The following KCNH8 variants were observed in gnomAD, a reference collection of about 807,000 sequenced individuals.
KCNH8 encodes potassium voltage-gated channel subfamily H member 8.
Under a neutral mutation model 103.6 loss-of-function variants are expected in KCNH8, and 70 were observed. That is an observed-to-expected ratio of 0.68 (90% CI 0.56 to 0.82). The LOEUF (loss-of-function observed/expected upper bound fraction) is 0.82. Among genes scored for constraint, KCNH8 ranks in the 40% least tolerant of loss-of-function variants. The pLI, the probability that KCNH8 is intolerant of heterozygous loss-of-function variation, is 0.00. For missense variants in KCNH8, 1,217 were observed against 1,329.9 expected, an observed-to-expected ratio of 0.92 and a Z score of 1.32; for synonymous variants, 498 against 489.4, an observed-to-expected ratio of 1.02 and a Z score of -0.23.
Position 19,386,879 on chromosome 3 carries a change from C to T in KCNH8, c.812-3602C>T, listed in dbSNP as rs150127195. Reference sequence around the variant, plus strand: ...GAGGAGCAGCTACATTCAGTGTTTGCGAAGTTCCACTCTGTTTCTGTGATT... The same window carrying T: ...GAGGAGCAGCTACATTCAGTGTTTGTGAAGTTCCACTCTGTTTCTGTGATT... On this transcript the variant is annotated intron_variant, in intron 5 of 15. Coordinates refer to ENST00000328405, the MANE Select transcript of KCNH8 (RefSeq NM_144633.3). Among the ~76,000 whole-genome samples the T allele has an allele frequency of 5.6e-4, 85 of 152,178 alleles. No individual in the cohort carries two copies. In the Middle Eastern group the frequency reaches 0.01, roughly 18 times the overall value.
At chr3:19,479,650 A>G (rs2068047508) in intron 11 of KCNH8, among the ~76,000 whole-genome samples, 1 of 152,188 alleles carries the variant, frequency 6.6e-6, no homozygotes, top group Non-Finnish European at 1.5e-5. Flanking sequence ...AGATGAGTCT[A>G]CAAGAGGAAG....
At chr3:19,198,854 A>T (rs2063628541) in intron 1 of KCNH8, among the ~76,000 whole-genome samples, 1 of 152,050 alleles carries the variant, frequency 6.6e-6, no homozygotes, top group Admixed American at 6.6e-5. Flanking sequence ...TCTCACTAAG[A>T]ACAGGATTTG....
chr3:19,472,267 G>C lies in KCNH8; in HGVS notation c.2040+15285G>C, dbSNP rs2067877314. ...GTGTGTTAATGTCCACAGAATAACA[G>C]AATGTTAGAACACAAAGGCACTTTA... On this transcript the variant is annotated intron_variant, in intron 11 of 15. Coordinates refer to ENST00000328405, the MANE Select transcript of KCNH8 (RefSeq NM_144633.3). Among the ~76,000 whole-genome samples the C allele has an allele frequency of 2.7e-5, 4 of 149,824 alleles. No homozygotes were observed. In the South Asian group the frequency reaches 8.5e-4, roughly 32 times the overall value.
intron 1 of KCNH8, among the ~76,000 whole-genome samples, chr3:19,163,584 A>G (rs1364288738): frequency 6.6e-6 from 1 of 152,114 alleles, no homozygotes; most frequent in Non-Finnish European, 1.5e-5. Context: ...TAATTTTTAT[A>G]TTATCTTCTG....
At chr3:19,429,366 G>A (rs1427757221) in intron 7 of KCNH8, among the ~76,000 whole-genome samples, 1 of 151,648 alleles carries the variant, frequency 6.6e-6, no homozygotes, top group Non-Finnish European at 1.5e-5. Context: ...AGTAGAGACA[G>A]GGTTTCACCA....
At chr3:19,458,600 G>A (rs1381480583) in intron 11 of KCNH8, among the ~76,000 whole-genome samples, 1 of 151,924 alleles carries the variant, frequency 6.6e-6, no homozygotes, top group Admixed American at 6.6e-5. Flanking sequence ...TATTTGTGGT[G>A]AGAACACTTA....
intron 1 of KCNH8, among the ~76,000 whole-genome samples, chr3:19,198,807 C>T (rs930439711): frequency 6.6e-6 from 1 of 151,938 alleles, no homozygotes; most frequent in African/African-American, 2.4e-5. Context: ...TGTTGAATTC[C>T]ATTAAGTATG....
intron 1 of KCNH8, among the ~76,000 whole-genome samples, chr3:19,190,836 C>T (rs1203656730): frequency 6.6e-6 from 1 of 151,902 alleles, no homozygotes; most frequent in Non-Finnish European, 1.5e-5. Context: ...ATCCCTCAAA[C>T]ACGAATCTCA....
Position 19,429,562 on chromosome 3 carries a change from C to G in KCNH8, c.1178-8602C>G, listed in dbSNP as rs2067088437. Reference sequence around the variant, plus strand: ...ATTTCCTAGAAACATGAAGAAAACTCCTTTAGAACAGTTTCTTTTTTTTAA... The same window carrying G: ...ATTTCCTAGAAACATGAAGAAAACTGCTTTAGAACAGTTTCTTTTTTTTAA... On this transcript the variant is annotated intron_variant, in intron 7 of 15. Coordinates refer to ENST00000328405, the MANE Select transcript of KCNH8 (RefSeq NM_144633.3). 2.0e-5 allele frequency among the ~76,000 whole-genome samples: 3 copies of G among 152,132 alleles called. No individual in the cohort carries two copies. The South Asian group carries it at 6.2e-4, about 31-fold the overall frequency.
intron 3 of KCNH8, among the ~76,000 whole-genome samples, chr3:19,289,172 A>G (rs1301481273): frequency 3.3e-5 from 5 of 151,906 alleles, no homozygotes; most frequent in African/African-American, 1.2e-4. Flanking sequence ...CCCATTCTGT[A>G]GGTTGCCTGT....
chr3:19,296,477 G>A (rs2064998176), intron 3 of KCNH8, among the ~76,000 whole-genome samples: 1 of 152,192 alleles, frequency 6.6e-6, no homozygotes, highest in Non-Finnish European at 1.5e-5. Context: ...ACTGGTTTGT[G>A]CTCTAGTTTT....
At chr3:19,337,026 G>C (rs948552187) in intron 3 of KCNH8, among the ~76,000 whole-genome samples, 1 of 151,894 alleles carries the variant, frequency 6.6e-6, no homozygotes, top group African/African-American at 2.4e-5. Flanking sequence ...GATCCATTTT[G>C]ACCCAACATG....
At position 19,518,038 on chromosome 3, in the gene KCNH8, G is replaced by T. The variant is rs771461404; in HGVS notation, c.2583G>T (p.Glu861Asp). The T allele has an allele frequency of 6.2e-7, 1 of 1,612,286 alleles. No homozygotes were observed. The highest frequency in any genetic ancestry group is 8.5e-7 in the Non-Finnish European group (1 of 1,178,834). Reference protein sequence around the residue: ...IGAAVLFIKAEETKQQINKLN... With the variant: ...IGAAVLFIKADETKQQINKLN... ...CTGCTGTTCTCTTCATCAAAGCAGA[G>T]GAGACCAAGCAGCAGATAAACAAAC... Residue 861 changes from glutamate to aspartate, a missense_variant, in exon 15 of 16, where the codon GAG becomes GAT. Glu to Asp is a conservative substitution (Grantham distance 45). Coordinates refer to ENST00000328405, the MANE Select transcript of KCNH8 (RefSeq NM_144633.3).
At chr3:19,163,640 G>A (rs943683906) in intron 1 of KCNH8, among the ~76,000 whole-genome samples, 11 of 152,010 alleles carry the variant, frequency 7.2e-5, no homozygotes, top group African/African-American at 2.7e-4. Flanking sequence ...AATTTTAATT[G>A]TTAATACACA....
chr3:19,210,479 A>G (rs1259015474), intron 1 of KCNH8, among the ~76,000 whole-genome samples: 1 of 152,094 alleles, frequency 6.6e-6, no homozygotes, highest in East Asian at 1.9e-4. Context: ...TGGTGCTTCA[A>G]TCTCATTTGA....
chr3:19,160,575 A>G (rs2063224225), intron 1 of KCNH8, among the ~76,000 whole-genome samples: 1 of 152,160 alleles, frequency 6.6e-6, no homozygotes. Context: ...ATGAAATTAT[A>G]TACAGTACCC....
intron 1 of KCNH8, among the ~76,000 whole-genome samples, chr3:19,211,321 A>G (rs1396006654): frequency 6.6e-6 from 1 of 152,202 alleles, no homozygotes; most frequent in Non-Finnish European, 1.5e-5. Context: ...ATTTTGATTT[A>G]AAAGATGGAG....
chr3:19,532,209 G>T lies in KCNH8; in HGVS notation c.2620-1186G>T, dbSNP rs529232822. Among the ~76,000 whole-genome samples the T allele has an allele frequency of 8.5e-5, 13 of 152,230 alleles. 1 individual carries two copies. Among genetic ancestry groups the T allele is most frequent in the African/African-American group, 2.9e-4 (12 of 41,534 alleles). On this transcript the variant is annotated intron_variant, in intron 15 of 15. Transcript: ENST00000328405. ...AGTATAAAATGAAGACTCTTCAATG[G>T]TTCTTAAGTGTTTGGGCCATGACAG...
At chr3:19,496,372 A>G (rs1436058674) in intron 11 of KCNH8, among the ~76,000 whole-genome samples, 1 of 152,172 alleles carries the variant, frequency 6.6e-6, no homozygotes, top group African/African-American at 2.4e-5. Flanking sequence ...TATTCCTTCA[A>G]TGACTAGTTT....
Sources: gnomAD v4.1 joint callset for allele counts (sites outside exome capture counted in the v4.1 genomes callset) on GRCh38, gnomAD v4.1.1 for gene constraint, MANE v1.5 for transcripts, NCBI Gene and HGNC (gene_info 2026-07-23, HGNC 2026-07-21) for gene names.